The following CNOT8 variants were observed in gnomAD, a reference collection of about 807,000 sequenced individuals.
CNOT8 encodes the protein CAF1-like protein.
CNOT8 carries 18 observed loss-of-function variants against 34.6 expected under a neutral mutation model. The observed-to-expected ratio is 0.52, with a 90% CI of 0.36 to 0.77. CNOT8 has a LOEUF of 0.77. Ranked by LOEUF, CNOT8 falls within the 30% of genes least tolerant of loss-of-function variation. The pLI is 0.00. For synonymous variants in CNOT8, 101 were observed against 118.8 expected (o/e 0.85, Z 0.98); for missense variants, 189 against 347.9 (o/e 0.54, Z 3.63).
chr5:154,865,913 TCATCTGTTGATAGACA>T (rs1199644953), intron 3 of CNOT8, among the ~76,000 whole-genome samples: 63 of 152,362 alleles, frequency 4.1e-4, no homozygotes, highest in African/African-American at 1.4e-3. Flanking sequence ...TTTTGTTTAT[TCATCTGTTGATAGACA>T]CGTGGGTTTT....
chr5:154,858,604 G>C (rs528684431), upstream of CNOT8: 1 of 152,252 alleles, frequency 6.6e-6, no homozygotes. Flanking sequence ...CTCTGGGCAC[G>C]GGGGCGCTCA....
intron 6 of CNOT8, among the ~76,000 whole-genome samples, chr5:154,874,902 G>T (rs940604075): frequency 2.8e-4 from 42 of 151,820 alleles, no homozygotes; most frequent in African/African-American, 9.9e-4. Context: ...AGGCTGGGAG[G>T]TGGTGATGTG....
At chr5:154,867,734 A>G in intron 3 of CNOT8, 2 of 257,008 alleles carry the variant, frequency 7.8e-6, no homozygotes, top group Non-Finnish European at 7.9e-6. Flanking sequence ...GTGTTGCTTG[A>G]GCTAAAAGAC....
intron 1 of CNOT8, among the ~76,000 whole-genome samples, chr5:154,862,294 A>G (rs1218149601): frequency 6.6e-6 from 1 of 152,122 alleles, no homozygotes; most frequent in Non-Finnish European, 1.5e-5. Context: ...AATATGGTGA[A>G]ACCCCATCTC....
At chr5:154,868,907 G>A (rs1351680134) in intron 3 of CNOT8, among the ~76,000 whole-genome samples, 1 of 152,056 alleles carries the variant, frequency 6.6e-6, no homozygotes, top group East Asian at 1.9e-4. Context: ...CTGCTCCTTT[G>A]ATCTACTTCA....
At position 154,875,270 on chromosome 5, in the gene CNOT8, T is replaced by C. The variant is rs768900977; in HGVS notation, c.730-20T>C. 4 of 1,612,894 alleles carry C rather than the reference T, an allele frequency of 2.5e-6. No individual in the cohort carries two copies. The South Asian group carries it at 4.4e-5, about 18-fold the overall frequency. The stretch of plus-strand genomic sequence containing the variant: ...ACTTCTAGCATAACTCTCACCATGG[T>C]TCTCTGTCCCATTCTGCAGTTGTTT... On this transcript the variant is annotated intron_variant, in intron 6 of 6. Transcript: ENST00000285896.
At chr5:154,863,127 ATAT>A (rs1458857956) in intron 1 of CNOT8, 77 bp from the exon 2 acceptor site, 10 of 629,448 alleles carry the variant, frequency 1.6e-5, no homozygotes, top group African/African-American at 1.1e-4. Flanking sequence ...TGATTGTAAA[ATAT>A]TATTTTGATG....
Position 154,858,704 on chromosome 5 carries a change from T to TCAGCCCGCCAGCCCGC in CNOT8, c.-132_-117dup, listed in dbSNP as rs559776472. On this transcript the variant is annotated 5_prime_UTR_variant, in exon 1 of 7. Coordinates refer to ENST00000285896, the MANE Select transcript of CNOT8 (RefSeq NM_001301073.2). ...GGCTGCCGTCGCCGCCGTCGGGGAG[T>TCAGCCCGCCAGCCCGC]CAGCCCGCCAGCCCGCCAGCTCGTC... The TCAGCCCGCCAGCCCGC allele has an allele frequency of 1.3e-5, 2 of 151,762 alleles. No individual in the cohort carries two copies. The highest frequency in any genetic ancestry group is 2.9e-5 in the Non-Finnish European group (2 of 68,036). 9.4% of individuals were successfully genotyped at this position (151,762 alleles called of 1,614,324 possible). A position where few individuals can be genotyped will look rare whatever the true frequency, so the allele number is the denominator to read the frequency against.
chr5:154,870,575 C>T (rs1160893578), intron 3 of CNOT8, 86 bp from the exon 4 acceptor site: 6 of 1,003,026 alleles, frequency 6.0e-6, no homozygotes, highest in Non-Finnish European at 8.8e-6. Flanking sequence ...AATACTTGTA[C>T]TATAATTATA....
At chr5:154,870,102 CTAGAGTG>C (rs1762336650) in intron 3 of CNOT8, among the ~76,000 whole-genome samples, 1 of 152,158 alleles carries the variant, frequency 6.6e-6, no homozygotes, top group African/African-American at 2.4e-5. Flanking sequence ...GTCACCTAGA[CTAGAGTG>C]CAGTGGTGTG....
intron 1 of CNOT8, chr5:154,860,002 A>T (rs950636977): frequency 6.6e-6 from 1 of 152,194 alleles, no homozygotes; most frequent in Non-Finnish European, 1.5e-5. Flanking sequence ...AAAAATTCCT[A>T]GGAAGGTGCA....
chr5:154,870,150 CCT>C (rs1337901583), intron 3 of CNOT8, among the ~76,000 whole-genome samples: 3 of 152,168 alleles, frequency 2.0e-5, no homozygotes, highest in Non-Finnish European at 4.4e-5. Flanking sequence ...CTCAAACAAT[CCT>C]CTCACCTCAG....
At chr5:154,862,186 A>G (rs757496394) in intron 1 of CNOT8, among the ~76,000 whole-genome samples, 6 of 152,132 alleles carry the variant, frequency 3.9e-5, no homozygotes, top group Non-Finnish European at 7.3e-5. Flanking sequence ...CTTTAGTCCT[A>G]CTGTTGAATT....
At chr5:154,869,219 A>G (rs1191092894) in intron 3 of CNOT8, among the ~76,000 whole-genome samples, 5 of 151,946 alleles carry the variant, frequency 3.3e-5, no homozygotes, top group Non-Finnish European at 7.4e-5. Flanking sequence ...TCCCAGGTTC[A>G]AGCGATTCTC....
upstream of CNOT8, chr5:154,858,281 G>A (rs1245711386): frequency 2.0e-5 from 3 of 151,982 alleles, no homozygotes; most frequent in Non-Finnish European, 2.9e-5. Context: ...TAAGAATCAT[G>A]ATTAAATTGA....
chr5:154,859,951 G>T (rs1462090819), intron 1 of CNOT8: 1 of 152,178 alleles, frequency 6.6e-6, no homozygotes, highest in African/African-American at 2.4e-5. Flanking sequence ...TTTTAAGTCA[G>T]CCCGTGAGGC....
intron 3 of CNOT8, 181 bp from the exon 4 acceptor site, chr5:154,870,480 T>C (rs1762388687): frequency 2.1e-6 from 1 of 469,972 alleles, no homozygotes; most frequent in Non-Finnish European, 3.7e-6. Context: ...TTTCTATCTG[T>C]CACAGAAATA....
chr5:154,872,275 A>G (rs370940892), intron 5 of CNOT8, among the ~76,000 whole-genome samples: 4 of 152,314 alleles, frequency 2.6e-5, no homozygotes, highest in African/African-American at 7.2e-5. Context: ...GGGATTTACT[A>G]TTTCCTCAGC....
chr5:154,865,408 C>A, intron 3 of CNOT8, 23 bp downstream of exon 3: 1 of 1,543,044 alleles, frequency 6.5e-7, no homozygotes, highest in Non-Finnish European at 8.8e-7. Context: ...TAAATAAATG[C>A]GTTAATTTTA....
Sources: allele counts gnomAD v4.1 joint callset (sites outside exome capture counted in the v4.1 genomes callset), GRCh38; gene constraint gnomAD v4.1.1; transcripts MANE v1.5; gene names NCBI Gene and HGNC (gene_info 2026-07-23, HGNC 2026-07-21).